The following AGFG1 variants were observed in gnomAD, a reference collection of about 807,000 sequenced individuals.
The protein encoded by AGFG1 is ArfGAP with FG repeats 1.
In AGFG1, 10 loss-of-function variants were observed where a neutral mutation model predicts 60.6. The ratio of observed to expected loss-of-function variants is 0.16; its 90% CI spans 0.10 to 0.28. The LOEUF (loss-of-function observed/expected upper bound fraction) is 0.28. AGFG1 is among the 10% of genes least tolerant of loss of function. AGFG1 has a pLI of 1.00. For synonymous variants in AGFG1, 247 were observed against 242.9 expected (o/e 1.02, Z -0.16); for missense variants, 537 against 676.5 (o/e 0.79, Z 2.29).
intron 5 of AGFG1, among the ~76,000 whole-genome samples, chr2:227,528,874 A>G (rs1011361246): frequency 1.3e-5 from 2 of 152,230 alleles, no homozygotes; most frequent in Non-Finnish European, 1.5e-5. Flanking sequence ...TATGCAGTAA[A>G]GGAAAAGAAT....
At chr2:227,529,157 A>G (rs537668742) in intron 5 of AGFG1, among the ~76,000 whole-genome samples, 1 of 152,156 alleles carries the variant, frequency 6.6e-6, no homozygotes, top group Non-Finnish European at 1.5e-5. Context: ...TCCTTCTACT[A>G]TGGTTGATAC....
At chr2:227,496,775 G>A (rs897061624) in intron 2 of AGFG1, among the ~76,000 whole-genome samples, 10 of 152,160 alleles carry the variant, frequency 6.6e-5, no homozygotes, top group Non-Finnish European at 1.3e-4. Context: ...TGAATCTAAA[G>A]TGGTAGAAGT....
At chr2:227,473,142 G>A (rs1690165346) in intron 1 of AGFG1, among the ~76,000 whole-genome samples, 1 of 152,172 alleles carries the variant, frequency 6.6e-6, no homozygotes, top group African/African-American at 2.4e-5. Flanking sequence ...CCTTTTTTCT[G>A]GGTCGAGAGT....
chr2:227,481,798 T>A (rs1690472605), intron 1 of AGFG1, among the ~76,000 whole-genome samples: 1 of 152,124 alleles, frequency 6.6e-6, no homozygotes, highest in African/African-American at 2.4e-5. Flanking sequence ...TAATACCTTC[T>A]TATTCCTTTA....
chr2:227,543,828 T>C (rs1293119893), intron 10 of AGFG1, among the ~76,000 whole-genome samples: 1 of 100,236 alleles, frequency 1.0e-5, no homozygotes, highest in Non-Finnish European at 2.2e-5. Context: ...GCTTTTTAAA[T>C]CTGGGTTCTC....
chr2:227,485,839 A>G (rs1284242960), intron 1 of AGFG1, among the ~76,000 whole-genome samples: 2 of 151,978 alleles, frequency 1.3e-5, no homozygotes, highest in Non-Finnish European at 2.9e-5. Context: ...AATGTTTCCT[A>G]TATACTATAT....
Position 227,489,223 on chromosome 2 carries a change from GTTTTTTTTT to G in AGFG1, c.168-2307_168-2299del, listed in dbSNP as rs55762248. Among the ~76,000 whole-genome samples the G allele has an allele frequency of 1.7e-3, 130 of 74,822 alleles. 2 individuals are homozygous for G. The highest frequency in any genetic ancestry group is 1.8e-3 in the East Asian group (4 of 2,236). The allele number at this position is 74,822 out of a possible 152,430, so 49.1% of individuals were successfully genotyped here. ...TGTTTCTTCAGAGTTAGTTTTGAGA[GTTTTTTTTT>G]TTTTTTTTTTTTTTTTGAGACGGAG... On this transcript the variant is annotated intron_variant, in intron 1 of 12. Transcript: ENST00000310078.
intron 2 of AGFG1, among the ~76,000 whole-genome samples, chr2:227,501,605 G>T (rs1364256955): frequency 6.6e-6 from 1 of 151,786 alleles, no homozygotes; most frequent in Non-Finnish European, 1.5e-5. Context: ...TTTGAGACAG[G>T]GTCTCAACTT....
intron 2 of AGFG1, among the ~76,000 whole-genome samples, chr2:227,516,942 A>G (rs1023827548): frequency 1.3e-5 from 2 of 152,176 alleles, no homozygotes; most frequent in African/African-American, 2.4e-5. Context: ...GCCTCCCTTT[A>G]TGAATGTAAC....
intron 2 of AGFG1, chr2:227,508,522 G>T: frequency 2.4e-6 from 1 of 410,456 alleles, no homozygotes; most frequent in Non-Finnish European, 5.0e-6. Flanking sequence ...AGCTTTTTCT[G>T]TGTGTACATC....
chr2:227,555,599 T>G lies in AGFG1; in HGVS notation c.*1104T>G, dbSNP rs994280472. The G allele has an allele frequency of 1.3e-5, 2 of 152,632 alleles. No individual in the cohort carries two copies. Among genetic ancestry groups the G allele is most frequent in the South Asian group, 4.1e-4 (2 of 4,836 alleles). 9.5% of individuals were successfully genotyped at this position (152,632 alleles called of 1,614,324 possible). Reference sequence around the variant, plus strand: ...ATTATCTATAGGATATTTGTTTATGTTTGTTTTTTGGGGGAAAGAAACTGG... The same window carrying G: ...ATTATCTATAGGATATTTGTTTATGGTTGTTTTTTGGGGGAAAGAAACTGG... On this transcript the variant is annotated 3_prime_UTR_variant, in exon 13 of 13. Transcript: ENST00000310078.
At chr2:227,498,356 A>G (rs1261762020) in intron 2 of AGFG1, among the ~76,000 whole-genome samples, 1 of 152,232 alleles carries the variant, frequency 6.6e-6, no homozygotes, top group Non-Finnish European at 1.5e-5. Flanking sequence ...CTAATAATAC[A>G]TTGAAAAACA....
intron 2 of AGFG1, among the ~76,000 whole-genome samples, chr2:227,518,496 G>T (rs1480280257): frequency 3.5e-5 from 5 of 141,274 alleles, no homozygotes; most frequent in African/African-American, 1.0e-4. Context: ...ATGCATGTCT[G>T]TCTTGTGGAG....
intron 2 of AGFG1, among the ~76,000 whole-genome samples, chr2:227,519,651 C>A (rs1361785267): frequency 6.6e-6 from 1 of 152,178 alleles, no homozygotes; most frequent in Non-Finnish European, 1.5e-5. Flanking sequence ...GAGCAGGTTA[C>A]ATGACTTTGC....
chr2:227,520,658 C>T (rs529651165), intron 3 of AGFG1, among the ~76,000 whole-genome samples: 1 of 152,142 alleles, frequency 6.6e-6, no homozygotes, highest in Non-Finnish European at 1.5e-5. Flanking sequence ...TAGTAAGCCC[C>T]TTGCTATGGA....
At position 227,472,434 on chromosome 2, in the gene AGFG1, G is replaced by T. The variant is rs1158372538; in HGVS notation, c.13G>T (p.Ala5Ser). 1 of 1,526,578 alleles carries T rather than the reference G, an allele frequency of 6.6e-7. No homozygotes were observed. The highest frequency in any genetic ancestry group is 8.8e-7 in the Non-Finnish European group (1 of 1,136,432). 94.6% of individuals were successfully genotyped at this position (1,526,578 alleles called of 1,614,324 possible). ...TGGCGCCGCGGCCATGGCGGCCAGC[G>T]CGAAGCGGAAGCAGGAGGAGAAGCA... MAAS[A>S]KRKQEEKHLK... is the part of the protein sequence containing the mutation. The change falls in exon 1 of 13, where the codon GCG becomes TCG. Residue 5 changes from alanine (A) to serine (S), a missense_variant. By Grantham distance (99) the Ala-to-Ser change is moderately conservative (BLOSUM62 1). Coordinates refer to ENST00000310078, the MANE Select transcript of AGFG1 (RefSeq NM_004504.5).
chr2:227,504,352 C>T (rs1375741605), intron 2 of AGFG1, among the ~76,000 whole-genome samples: 1 of 152,124 alleles, frequency 6.6e-6, no homozygotes, highest in Non-Finnish European at 1.5e-5. Flanking sequence ...ACCACCACGC[C>T]TGGCTCATTT....
intron 10 of AGFG1, among the ~76,000 whole-genome samples, chr2:227,537,941 CTA>C (rs370028096): frequency 3.9e-5 from 6 of 152,112 alleles, no homozygotes; most frequent in African/African-American, 1.4e-4. Flanking sequence ...TGAGCTGTAA[CTA>C]TTTTCTTTTC....
chr2:227,532,352 CAG>C (rs1692189023), intron 6 of AGFG1: 1 of 544,268 alleles, frequency 1.8e-6, no homozygotes, highest in African/African-American at 2.0e-5. Flanking sequence ...TTATTAAACT[CAG>C]AGTTAGAGAA....
Sources: gnomAD v4.1 joint callset for allele counts (sites outside exome capture counted in the v4.1 genomes callset) on GRCh38, gnomAD v4.1.1 for gene constraint, MANE v1.5 for transcripts, NCBI Gene and HGNC (gene_info 2026-07-23, HGNC 2026-07-21) for gene names.